The following KIRREL3 variants were observed in gnomAD, a reference collection of about 807,000 sequenced individuals.
The protein encoded by KIRREL3 is kirre like nephrin family adhesion molecule 3.
A neutral mutation model predicts 89.7 loss-of-function variants in KIRREL3; 36 were observed. The ratio of observed to expected loss-of-function variants is 0.40; its 90% CI spans 0.31 to 0.53. KIRREL3 has a LOEUF of 0.53. Ranked by LOEUF, KIRREL3 falls within the 20% of genes least tolerant of loss-of-function variation. KIRREL3 has a pLI of 0.49. For missense variants in KIRREL3, 864 were observed against 1,056.6 expected (o/e 0.82, Z 2.53); for synonymous variants, 445 against 441.4 (o/e 1.01, Z -0.10).
rs1368382000 is a variant in KIRREL3 at position 126,989,601 on chromosome 11, T to C, written c.55+10854A>G. On this transcript the variant is annotated intron_variant, in intron 1 of 16. Transcript: ENST00000525144. This position sits in a 1 kb window ranked among gnomAD's most constrained non-coding sequence, Gnocchi z 6.2. ...CTATTCCCGCTATCTTAGTTCACGC[T>C]GCCTGTGGATCAACTCGGGATCTCA... Among the ~76,000 whole-genome samples the C allele has an allele frequency of 6.6e-6, 1 of 152,322 alleles. No homozygotes were observed. Among genetic ancestry groups the C allele is most frequent in the East Asian group, 1.9e-4 (1 of 5,184 alleles).
chr11:126,507,605 T>A (rs1380507201), intron 4 of KIRREL3, among the ~76,000 whole-genome samples: 2 of 152,232 alleles, frequency 1.3e-5, no homozygotes, highest in Non-Finnish European at 2.9e-5. Flanking sequence ...CGCTAATGTA[T>A]ATTCTCAGGG....
At chr11:126,893,036 C>T (rs1544277) in intron 1 of KIRREL3, among the ~76,000 whole-genome samples, 65,910 of 152,040 alleles carry the variant, frequency 0.43, 15,640 homozygotes, top group African/African-American at 0.63. Flanking sequence ...TAATTTCCCC[C>T]GTTGTTTGAT....
In KIRREL3 at chr11:126,995,166, C is replaced by T; in HGVS notation, c.55+5289G>A. On this transcript the variant is annotated intron_variant, in intron 1 of 16. Coordinates refer to ENST00000525144, the MANE Select transcript of KIRREL3 (RefSeq NM_032531.4). This position sits in a 1 kb window ranked among gnomAD's most constrained non-coding sequence, Gnocchi z 6.5. ...AATAGCTGTGATGGGATATGAAATC[C>T]AAGGGAACTGTTAGCCCCCCAGAGC... The T allele has an allele frequency of 2.2e-6, 1 of 455,978 alleles. No individual in the cohort carries two copies. The highest frequency in any genetic ancestry group is 4.4e-6 in the Non-Finnish European group (1 of 226,910). The allele number at this position is 455,978 out of a possible 1,614,324, so 28.2% of individuals were successfully genotyped here.
chr11:126,881,141 C>T (rs191714373), intron 1 of KIRREL3, among the ~76,000 whole-genome samples: 19 of 152,336 alleles, frequency 1.2e-4, no homozygotes, highest in African/African-American at 4.1e-4. Flanking sequence ...CTTTGCTCCC[C>T]TCCACCAATC....
chr11:126,425,088 C>T, intron 16 of KIRREL3, 65 bp from the exon 17 acceptor site: 1 of 1,391,102 alleles, frequency 7.2e-7, no homozygotes, highest in Middle Eastern at 1.9e-4. Flanking sequence ...GCTGGGGTTT[C>T]CAGGCTGAGC....
At chr11:126,850,926 G>A (rs1944318279) in intron 1 of KIRREL3, among the ~76,000 whole-genome samples, 1 of 152,176 alleles carries the variant, frequency 6.6e-6, no homozygotes, top group Admixed American at 6.5e-5. Context: ...TACCGGACAG[G>A]CCCAAGTCAC....
intron 9 of KIRREL3, among the ~76,000 whole-genome samples, 176 bp downstream of exon 9, chr11:126,446,583 G>A (rs1290380249): frequency 1.3e-5 from 2 of 152,234 alleles, no homozygotes; most frequent in Non-Finnish European, 1.5e-5. Flanking sequence ...GGTGGGACAG[G>A]CACATGGGGG....
In KIRREL3 at chr11:126,748,167, C is replaced by A. The variant is rs187279297; in HGVS notation, c.56-185255G>T. On this transcript the variant is annotated intron_variant, in intron 1 of 16. Coordinates refer to ENST00000525144, the MANE Select transcript of KIRREL3 (RefSeq NM_032531.4). This position sits in a 1 kb window ranked among gnomAD's most constrained non-coding sequence, Gnocchi z 4.6. ...CGTTCCAGTGACTTCAGAGGTGGCC[C>A]AGGGCCCATCATTTGGGGGCAAGAA... Among the ~76,000 whole-genome samples, 1 of 152,256 alleles carries A rather than the reference C, an allele frequency of 6.6e-6. No homozygotes were observed. The highest frequency in any genetic ancestry group is 1.5e-5 in the Non-Finnish European group (1 of 68,032).
intron 8 of KIRREL3, among the ~76,000 whole-genome samples, chr11:126,447,537 G>A (rs554365152): frequency 1.4e-4 from 22 of 152,324 alleles, no homozygotes; most frequent in African/African-American, 4.6e-4. Context: ...TCTGTGTCAC[G>A]CCCATTGCAG....
intron 1 of KIRREL3, among the ~76,000 whole-genome samples, chr11:126,585,102 G>C (rs1420238464): frequency 6.7e-6 from 1 of 149,936 alleles, no homozygotes; most frequent in African/African-American, 2.5e-5. Context: ...TGTATTTTTA[G>C]TAGGGACGGG....
intron 7 of KIRREL3, among the ~76,000 whole-genome samples, chr11:126,452,399 C>G (rs1650066995): frequency 6.6e-6 from 1 of 152,248 alleles, no homozygotes; most frequent in African/African-American, 2.4e-5. Context: ...TCCTTTCACC[C>G]TGCTGAGGCG....
At chr11:126,888,606 CCCTCCCATT>C (rs981633047) in intron 1 of KIRREL3, among the ~76,000 whole-genome samples, 76 of 152,246 alleles carry the variant, frequency 5.0e-4, no homozygotes, top group African/African-American at 1.6e-3. Flanking sequence ...CCTCACGAGG[CCCTCCCATT>C]CCAAGATGTA....
At chr11:126,895,814 A>G (rs1022449133) in intron 1 of KIRREL3, among the ~76,000 whole-genome samples, 1 of 152,140 alleles carries the variant, frequency 6.6e-6, no homozygotes, top group African/African-American at 2.4e-5. Context: ...TTCAGAACTC[A>G]TTCTGTCAGG....
chr11:126,865,428 G>A (rs1844286057), intron 1 of KIRREL3, among the ~76,000 whole-genome samples: 1 of 152,190 alleles, frequency 6.6e-6, no homozygotes, highest in South Asian at 2.1e-4. Flanking sequence ...TTTAGTCTGG[G>A]ATTAGTAGAT....
chr11:126,916,547 A>C (rs922808460), intron 1 of KIRREL3, among the ~76,000 whole-genome samples: 2 of 152,196 alleles, frequency 1.3e-5, no homozygotes, highest in African/African-American at 4.8e-5. Flanking sequence ...ATCCTCCGAG[A>C]CTATGTTTAG....
Position 126,991,475 on chromosome 11 carries a change from TTATTA to T in KIRREL3, c.55+8975_55+8979del, listed in dbSNP as rs1176731280. ...CCTGCCTTTGCTTCCTTCCTTTTTA[TTATTA>T]TTATTATTATTATTTGTCAGAACAG... On this transcript the variant is annotated intron_variant, in intron 1 of 16. Transcript: ENST00000525144. The surrounding 1 kb of genome is among the most constrained non-coding windows in gnomAD (Gnocchi z 5.8). Among the ~76,000 whole-genome samples, 1 of 107,636 alleles carries T rather than the reference TTATTA, an allele frequency of 9.3e-6. No homozygotes were observed. Among genetic ancestry groups the T allele is most frequent in the Non-Finnish European group, 2.0e-5 (1 of 50,366 alleles). The allele number at this position is 107,636 out of a possible 152,430, so 70.6% of individuals were successfully genotyped here.
At position 126,796,975 on chromosome 11, in the gene KIRREL3, AT is replaced by A. The variant is rs534196135; in HGVS notation, c.55+203479del. Among the ~76,000 whole-genome samples the A allele has an allele frequency of 1.3e-4, 20 of 152,282 alleles. No homozygotes were observed. The highest frequency in any genetic ancestry group is 3.3e-4 in the Admixed American group (5 of 15,302). The stretch of plus-strand genomic sequence containing the variant: ...GGAAGTGGGGAAGGGACCAGGGAGA[AT>A]GTTTCTGGGGTGGAGGTCATATCAG... On this transcript the variant is annotated intron_variant, in intron 1 of 16. Coordinates refer to ENST00000525144, the MANE Select transcript of KIRREL3 (RefSeq NM_032531.4). This position sits in a 1 kb window ranked among gnomAD's most constrained non-coding sequence, Gnocchi z 5.1.
intron 1 of KIRREL3, among the ~76,000 whole-genome samples, chr11:126,665,338 A>C (rs1945611455): frequency 6.6e-6 from 1 of 152,254 alleles, no homozygotes; most frequent in Non-Finnish European, 1.5e-5. Flanking sequence ...ATTTAAAATA[A>C]GATTGAGTAC....
intron 10 of KIRREL3, among the ~76,000 whole-genome samples, chr11:126,442,887 C>T (rs556861361): frequency 9.2e-5 from 14 of 152,298 alleles, no homozygotes; most frequent in Non-Finnish European, 1.8e-4. Context: ...CTGGAAGCCT[C>T]GGGGAGCTTG....
Sources: gnomAD v4.1 joint callset for allele counts (sites outside exome capture counted in the v4.1 genomes callset) on GRCh38, gnomAD v4.1.1 for gene constraint, Gnocchi (gnomAD v3.1) non-coding constraint, MANE v1.5 for transcripts, NCBI Gene and HGNC (gene_info 2026-07-23, HGNC 2026-07-21) for gene names.